Variants in CCDC148 observed in about 807,000 individuals in gnomAD.
CCDC148 encodes coiled-coil domain containing 148.
CCDC148 carries 89 observed loss-of-function variants against 85.7 expected under a neutral mutation model. The observed-to-expected ratio is 1.04, with a 90% CI of 0.87 to 1.24. The LOEUF (loss-of-function observed/expected upper bound fraction) is 1.24, where lower values mean the gene tolerates loss of function less well. Among genes scored for constraint, CCDC148 ranks in the 50% most tolerant of loss-of-function variants. The pLI is 0.00. For missense variants in CCDC148, 692 were observed against 671.7 expected, an observed-to-expected ratio of 1.03 and a Z score of -0.33; for synonymous variants, 230 against 213.9, an observed-to-expected ratio of 1.08 and a Z score of -0.66.
chr2:158,267,366 C>T (rs1689512750), intron 9 of CCDC148, among the ~76,000 whole-genome samples: 1 of 152,156 alleles, frequency 6.6e-6, no homozygotes, highest in Non-Finnish European at 1.5e-5. Flanking sequence ...CCTTCCCAGA[C>T]CCAGGACGAG....
Position 158,313,791 on chromosome 2 carries a change from G to A in CCDC148, c.868C>T (p.Gln290Ter). 1 of 1,613,890 alleles carries A rather than the reference G, an allele frequency of 6.2e-7. No homozygotes were observed. Among genetic ancestry groups the A allele is most frequent in the Non-Finnish European group, 8.5e-7 (1 of 1,179,906 alleles). ...CTAGATTTGTGAGGAAAATATCTTT[G>A]TAACATGTCCAGATACAGAGTCCTT... is the stretch of plus-strand genomic sequence containing the variant. The part of the protein sequence containing the change: ...GRRTLYLDML[Q>*]RYFPHKSRHD... Residue 290 changes from glutamine to a stop codon, truncating the protein, a stop_gained, in exon 8 of 14, where the codon CAA (glutamine) becomes TAA (stop). Transcript: ENST00000283233. LOFTEE classifies it high-confidence loss of function.
intron 13 of CCDC148, 38 bp from the exon 14 acceptor site, chr2:158,172,297 T>C (rs756295902): frequency 6.9e-7 from 1 of 1,448,640 alleles, no homozygotes; most frequent in South Asian, 1.3e-5. Flanking sequence ...AACAATTCAT[T>C]GAACTAAAAT....
At chr2:158,451,801 A>T (rs537630122) in intron 1 of CCDC148, among the ~76,000 whole-genome samples, 27 of 152,170 alleles carry the variant, frequency 1.8e-4, no homozygotes, top group African/African-American at 6.5e-4. Context: ...ATTAAAAAAA[A>T]CTTTAGGCTG....
At chr2:158,226,167 C>G (rs1360622975) in intron 10 of CCDC148, among the ~76,000 whole-genome samples, 7 of 152,204 alleles carry the variant, frequency 4.6e-5, no homozygotes, top group Non-Finnish European at 1.0e-4. Flanking sequence ...TCAGAGAATA[C>G]TATGAACACC....
At chr2:158,411,875 T>A (rs1202063812) in intron 1 of CCDC148, among the ~76,000 whole-genome samples, 1 of 152,134 alleles carries the variant, frequency 6.6e-6, no homozygotes, top group Admixed American at 6.5e-5. Flanking sequence ...GGGTACTAGC[T>A]GGGTGGGATG....
At chr2:158,336,386 A>G (rs1219469924) in intron 7 of CCDC148, among the ~76,000 whole-genome samples, 3 of 152,148 alleles carry the variant, frequency 2.0e-5, no homozygotes, top group Non-Finnish European at 2.9e-5. Flanking sequence ...TCCTGCCAGC[A>G]TATTTATAAA....
intron 9 of CCDC148, among the ~76,000 whole-genome samples, chr2:158,282,697 T>A (rs57969974): frequency 6.6e-6 from 1 of 152,112 alleles, no homozygotes; most frequent in Non-Finnish European, 1.5e-5. Context: ...AAAATGGCCA[T>A]ACTGCCCAAG....
chr2:158,361,689 AG>A lies in CCDC148; in HGVS notation c.26-3120del, dbSNP rs576959403. Among the ~76,000 whole-genome samples the A allele has an allele frequency of 2.2e-3, 334 of 152,364 alleles. 1 individual carries two copies. The highest frequency in any genetic ancestry group is 5.5e-3 in the Admixed American group (84 of 15,298). Reference sequence around the variant, plus strand: ...CCTGAAGGAAGCACTAAACATGGAAAGGAACAACCGGTACCAGCCACTGCAA... The same window carrying A: ...CCTGAAGGAAGCACTAAACATGGAAAGAACAACCGGTACCAGCCACTGCAA... On this transcript the variant is annotated intron_variant, in intron 1 of 13. Transcript: ENST00000283233.
chr2:158,422,777 A>G (rs1200088124), intron 1 of CCDC148, among the ~76,000 whole-genome samples: 1 of 152,052 alleles, frequency 6.6e-6, no homozygotes, highest in African/African-American at 2.4e-5. Context: ...TCAGTTAGGA[A>G]AAGAGGAATT....
At chr2:158,325,375 C>T (rs76023458) in intron 7 of CCDC148, among the ~76,000 whole-genome samples, 319 of 152,296 alleles carry the variant, frequency 2.1e-3, no homozygotes, top group Non-Finnish European at 2.4e-3. Flanking sequence ...CACTTGCCTT[C>T]CAGGACACTA....
chr2:158,425,815 G>GA (rs1334029509), intron 1 of CCDC148, among the ~76,000 whole-genome samples: 4 of 152,130 alleles, frequency 2.6e-5, no homozygotes, highest in Non-Finnish European at 5.9e-5. Flanking sequence ...TTTGGATGAT[G>GA]TTTTTCCCCT....
chr2:158,287,852 C>T (rs750799812), intron 9 of CCDC148, among the ~76,000 whole-genome samples: 21 of 152,188 alleles, frequency 1.4e-4, no homozygotes, highest in Admixed American at 3.3e-4. Context: ...GCAGCTTCAA[C>T]GCCACATTTC....
intron 7 of CCDC148, among the ~76,000 whole-genome samples, chr2:158,328,991 T>C (rs562482895): frequency 1.3e-5 from 2 of 152,340 alleles, no homozygotes; most frequent in South Asian, 4.1e-4. Flanking sequence ...GGTAGTTTCT[T>C]TCGCTGTGCA....
chr2:158,230,207 C>T (rs35637990), intron 10 of CCDC148, among the ~76,000 whole-genome samples: 53,011 of 152,018 alleles, frequency 0.35, 11,374 homozygotes, highest in South Asian at 0.6. Flanking sequence ...TCTTGTGGAA[C>T]TGAGACTTTC....
chr2:158,285,882 A>G (rs975796336), intron 9 of CCDC148, among the ~76,000 whole-genome samples: 16 of 152,130 alleles, frequency 1.1e-4, no homozygotes, highest in African/African-American at 3.9e-4. Context: ...CAGGTCAGGA[A>G]CAAGACAAAA....
chr2:158,278,957 C>T (rs1037245700), intron 9 of CCDC148, among the ~76,000 whole-genome samples: 8 of 152,280 alleles, frequency 5.3e-5, no homozygotes, highest in African/African-American at 1.9e-4. Flanking sequence ...CACACAGCAG[C>T]ATTCATGGCT....
chr2:158,174,271 AT>A (rs1684461233), intron 13 of CCDC148, among the ~76,000 whole-genome samples: 3 of 152,106 alleles, frequency 2.0e-5, no homozygotes. Context: ...CACCCAGCCA[AT>A]AAACAGCGGA....
chr2:158,193,427 A>AG (rs1685510720), intron 11 of CCDC148, among the ~76,000 whole-genome samples: 1 of 152,080 alleles, frequency 6.6e-6, no homozygotes, highest in South Asian at 2.1e-4. Flanking sequence ...AAGTCCTAGG[A>AG]GGGTATGGCT....
intron 1 of CCDC148, among the ~76,000 whole-genome samples, chr2:158,416,326 T>C (rs1443340125): frequency 1.3e-5 from 2 of 152,228 alleles, no homozygotes; most frequent in Non-Finnish European, 2.9e-5. Context: ...TTCTTGGCTA[T>C]TAACATTTGG....
Sources: gnomAD v4.1 joint callset for allele counts (sites outside exome capture counted in the v4.1 genomes callset) on GRCh38, gnomAD v4.1.1 for gene constraint, MANE v1.5 for transcripts, NCBI Gene and HGNC (gene_info 2026-07-23, HGNC 2026-07-21) for gene names.